Variants in MEI4 observed in about 807,000 individuals in gnomAD.
MEI4 encodes meiotic double-stranded break formation protein 4, also known as meiosis-specific protein MEI4.
In MEI4, 27 loss-of-function variants were observed where a neutral mutation model predicts 31.4. The ratio of observed to expected loss-of-function variants is 0.86; its 90% CI spans 0.63 to 1.19. The LOEUF is 1.19. MEI4 is among the 50% of genes most tolerant of loss of function. MEI4 has a pLI of 0.00. For synonymous variants in MEI4, 122 were observed against 145.4 expected (o/e 0.84, Z 1.16); for missense variants, 329 against 398.9 (o/e 0.82, Z 1.49).
At chr6:77,827,838 T>C (rs1769992111) in intron 3 of MEI4, among the ~76,000 whole-genome samples, 1 of 152,172 alleles carries the variant, frequency 6.6e-6, no homozygotes, top group Non-Finnish European at 1.5e-5. Flanking sequence ...TTGAACCACA[T>C]TAATGGTTAT....
At chr6:77,690,154 G>T (rs1217437289) in intron 1 of MEI4, among the ~76,000 whole-genome samples, 1 of 151,940 alleles carries the variant, frequency 6.6e-6, no homozygotes, top group Admixed American at 6.6e-5. Context: ...GAAATAGCAG[G>T]TAAAAGGTTC....
Position 77,660,556 on chromosome 6 carries a change from T to A in MEI4, c.-15+7464T>A, listed in dbSNP as rs35888111. 2.0e-5 allele frequency among the ~76,000 whole-genome samples: 3 copies of A among 150,432 alleles called. 1 individual carries two copies. The highest frequency in any genetic ancestry group is 4.9e-5 in the African/African-American group (2 of 40,802). On this transcript the variant is annotated intron_variant, in intron 1 of 4. Transcript: ENST00000684080. The stretch of plus-strand genomic sequence containing the variant: ...GATAGTAGGGATGACTAGTTTTTTT[T>A]GGGGGGGCTTGGCCTAAGTGGTGGG...
intron 3 of MEI4, among the ~76,000 whole-genome samples, chr6:77,785,395 G>A (rs1220395203): frequency 6.6e-6 from 1 of 152,066 alleles, no homozygotes; most frequent in Non-Finnish European, 1.5e-5. Flanking sequence ...TTGGTATCTA[G>A]AAATACCATA....
At chr6:77,703,118 T>C (rs1483531543) in intron 2 of MEI4, among the ~76,000 whole-genome samples, 6 of 152,224 alleles carry the variant, frequency 3.9e-5, no homozygotes, top group African/African-American at 1.4e-4. Context: ...ACTGTATTTC[T>C]ATAGTTAGCA....
chr6:77,852,721 C>A (rs1288880550), intron 4 of MEI4, among the ~76,000 whole-genome samples: 2 of 151,916 alleles, frequency 1.3e-5, no homozygotes, highest in East Asian at 3.9e-4. Flanking sequence ...TCCTTAGGGA[C>A]TATTTTATAA....
intron 2 of MEI4, among the ~76,000 whole-genome samples, chr6:77,704,654 C>A (rs2127657698): frequency 6.6e-6 from 1 of 152,206 alleles, no homozygotes. Context: ...AACAGGCCCC[C>A]CAGGTGATTC....
intron 4 of MEI4, among the ~76,000 whole-genome samples, chr6:77,879,222 C>G (rs1419798742): frequency 1.3e-5 from 2 of 152,010 alleles, no homozygotes; most frequent in Non-Finnish European, 2.9e-5. Flanking sequence ...TAAAATATGA[C>G]AGTGTTTTCT....
intron 3 of MEI4, among the ~76,000 whole-genome samples, chr6:77,761,941 C>A (rs1194836870): frequency 2.0e-5 from 3 of 152,140 alleles, no homozygotes; most frequent in African/African-American, 4.8e-5. Flanking sequence ...CCCTTGGATT[C>A]TTTTATTCTT....
intron 4 of MEI4, among the ~76,000 whole-genome samples, chr6:77,867,398 TCG>T (rs1771063909): frequency 6.6e-6 from 1 of 152,126 alleles, no homozygotes; most frequent in Non-Finnish European, 1.5e-5. Context: ...CATCAACAAG[TCG>T]GCGAAGGATA....
intron 4 of MEI4, 128 bp from the exon 5 acceptor site, chr6:77,922,961 C>T: frequency 4.4e-6 from 2 of 459,538 alleles, no homozygotes; most frequent in Middle Eastern, 5.9e-4. Context: ...TCACCAGTGA[C>T]AGGATGACAG....
intron 3 of MEI4, among the ~76,000 whole-genome samples, chr6:77,819,558 C>A (rs1769767966): frequency 6.6e-6 from 1 of 151,954 alleles, no homozygotes; most frequent in African/African-American, 2.4e-5. Context: ...TAAGTGATAC[C>A]CTAAGCTCTT....
At chr6:77,657,537 T>C (rs1768419972) in intron 1 of MEI4, among the ~76,000 whole-genome samples, 1 of 152,192 alleles carries the variant, frequency 6.6e-6, no homozygotes, top group Non-Finnish European at 1.5e-5. Context: ...TTCTTTACTA[T>C]GTGGTGTCAA....
intron 2 of MEI4, among the ~76,000 whole-genome samples, chr6:77,711,372 C>T (rs1159247406): frequency 6.6e-6 from 1 of 151,826 alleles, no homozygotes; most frequent in Non-Finnish European, 1.5e-5. Context: ...GTATATATAA[C>T]ACAACATTAC....
intron 3 of MEI4, among the ~76,000 whole-genome samples, chr6:77,793,579 T>C (rs2127697106): frequency 6.6e-6 from 1 of 152,306 alleles, no homozygotes; most frequent in East Asian, 1.9e-4. Context: ...TAATTATAGC[T>C]GTAATTTGTT....
intron 1 of MEI4, among the ~76,000 whole-genome samples, chr6:77,675,421 A>G (rs955323103): frequency 6.6e-6 from 1 of 152,110 alleles, no homozygotes; most frequent in Non-Finnish European, 1.5e-5. Flanking sequence ...AATAGGTTTA[A>G]TGTGCTATAT....
chr6:77,923,796 T>TTTTTCTTA lies in MEI4; in HGVS notation c.*451_*458dup, dbSNP rs1437408301. The TTTTTCTTA allele has an allele frequency of 5.9e-5, 9 of 152,026 alleles. No homozygotes were observed. Among genetic ancestry groups the TTTTTCTTA allele is most frequent in the African/African-American group, 2.2e-4 (9 of 41,546 alleles). 9.4% of individuals were successfully genotyped at this position (152,026 alleles called of 1,614,324 possible). A position where few individuals can be genotyped will look rare whatever the true frequency, so the allele number is the denominator to read the frequency against. ...TGGTCATAAATGCAATTTTTAAAAC[T>TTTTTCTTA]TTTTCTTACATAGTTGAACTTATAT... On this transcript the variant is annotated 3_prime_UTR_variant, in exon 5 of 5. Transcript: ENST00000684080.
chr6:77,717,712 C>A (rs1766613687), intron 2 of MEI4, among the ~76,000 whole-genome samples: 1 of 110,292 alleles, frequency 9.1e-6, no homozygotes, highest in Non-Finnish European at 1.9e-5. Context: ...CAAAGCACAT[C>A]CTGCACCGCC....
intron 3 of MEI4, among the ~76,000 whole-genome samples, chr6:77,814,005 G>A (rs1769633086): frequency 6.6e-6 from 1 of 152,008 alleles, no homozygotes; most frequent in Non-Finnish European, 1.5e-5. Context: ...TTTTTCACAA[G>A]ACCTTCAGTT....
At chr6:77,732,762 G>T (rs1448256492) in intron 2 of MEI4, among the ~76,000 whole-genome samples, 4 of 152,000 alleles carry the variant, frequency 2.6e-5, no homozygotes, top group Admixed American at 1.3e-4. Flanking sequence ...TTGGCTGTGG[G>T]TTTGCCATAG....
Sources: allele counts gnomAD v4.1 joint callset (sites outside exome capture counted in the v4.1 genomes callset), GRCh38; gene constraint gnomAD v4.1.1; transcripts MANE v1.5; gene names NCBI Gene and HGNC (gene_info 2026-07-23, HGNC 2026-07-21).